Variants in NALF1 observed in about 807,000 individuals in gnomAD.
NALF1 encodes family with sequence similarity 155 member A.
A neutral mutation model predicts 48.4 loss-of-function variants in NALF1; 3 were observed. The observed-to-expected ratio is 0.06, with a 90% CI of 0.03 to 0.16. NALF1 has a LOEUF of 0.16. NALF1 is among the 10% of genes least tolerant of loss of function. NALF1 has a pLI of 1.00. For missense variants in NALF1, 526 were observed against 571.5 expected (o/e 0.92, Z 0.81); for synonymous variants, 262 against 245.7 (o/e 1.07, Z -0.62).
chr13:107,796,224 T>C (rs2138591816), intron 1 of NALF1, among the ~76,000 whole-genome samples: 1 of 152,294 alleles, frequency 6.6e-6, no homozygotes, highest in Non-Finnish European at 1.5e-5. Flanking sequence ...TTATGTAGTT[T>C]GGGTCTTCTA....
At chr13:107,522,109 C>T (rs996420001) in intron 1 of NALF1, among the ~76,000 whole-genome samples, 4 of 152,086 alleles carry the variant, frequency 2.6e-5, no homozygotes, top group East Asian at 1.9e-4. Context: ...AATCCTCTTC[C>T]GCTTGCAACA....
At chr13:107,338,926 G>A (rs1270231548) in intron 1 of NALF1, among the ~76,000 whole-genome samples, 2 of 151,892 alleles carry the variant, frequency 1.3e-5, no homozygotes, top group Non-Finnish European at 2.9e-5. Context: ...AGGTCAGGAG[G>A]TCGAGTCCAT....
chr13:107,174,696 G>T (rs1202152422), intron 2 of NALF1, among the ~76,000 whole-genome samples: 1 of 151,690 alleles, frequency 6.6e-6, no homozygotes, highest in Non-Finnish European at 1.5e-5. Context: ...AGGTTGATCA[G>T]ACTTCCCAGA....
intron 1 of NALF1, chr13:107,835,501 T>A (rs1879863221): frequency 6.6e-6 from 1 of 152,194 alleles, no homozygotes; most frequent in Non-Finnish European, 1.5e-5. Flanking sequence ...GCTGGTCCTG[T>A]CCTGAGAATG....
intron 1 of NALF1, among the ~76,000 whole-genome samples, chr13:107,677,904 A>T (rs1284514682): frequency 6.6e-6 from 1 of 152,224 alleles, no homozygotes; most frequent in Non-Finnish European, 1.5e-5. Flanking sequence ...ATTTTCTAGA[A>T]TATACATACT....
chr13:107,313,718 T>C (rs947940808), intron 1 of NALF1, among the ~76,000 whole-genome samples: 29 of 152,166 alleles, frequency 1.9e-4, no homozygotes, highest in African/African-American at 6.0e-4. Flanking sequence ...AAGTGACTAT[T>C]CCTCTATCCT....
intron 1 of NALF1, among the ~76,000 whole-genome samples, chr13:107,607,652 G>T (rs984901851): frequency 2.6e-5 from 4 of 152,156 alleles, no homozygotes; most frequent in Non-Finnish European, 5.9e-5. Flanking sequence ...ATATCGGGGT[G>T]TCTCCCTCTC....
intron 1 of NALF1, among the ~76,000 whole-genome samples, chr13:107,838,384 T>C (rs1879959727): frequency 6.6e-6 from 1 of 152,146 alleles, no homozygotes; most frequent in Non-Finnish European, 1.5e-5. Flanking sequence ...TAAAATCAAA[T>C]TGAGTGTTTT....
chr13:107,615,101 C>T (rs1356484192), intron 1 of NALF1, among the ~76,000 whole-genome samples: 1 of 152,158 alleles, frequency 6.6e-6, no homozygotes, highest in African/African-American at 2.4e-5. Flanking sequence ...TTGTTTCTGA[C>T]CATAGACATC....
chr13:107,449,072 C>T (rs745733537), intron 1 of NALF1, among the ~76,000 whole-genome samples: 20 of 152,120 alleles, frequency 1.3e-4, no homozygotes, highest in Admixed American at 7.2e-4. Flanking sequence ...GGTGAAACCC[C>T]GTCTCAACTA....
intron 1 of NALF1, among the ~76,000 whole-genome samples, chr13:107,430,762 G>A (rs539461836): frequency 8.5e-5 from 13 of 152,212 alleles, no homozygotes; most frequent in South Asian, 2.1e-4. Flanking sequence ...GTAAACATAC[G>A]TGTACATGTG....
chr13:107,678,039 T>C (rs1390770100), intron 1 of NALF1, among the ~76,000 whole-genome samples: 1 of 152,226 alleles, frequency 6.6e-6, no homozygotes, highest in African/African-American at 2.4e-5. Context: ...GTTAATTTAT[T>C]TATTTTTGGA....
At chr13:107,820,919 A>G (rs1159203154) in intron 1 of NALF1, among the ~76,000 whole-genome samples, 2 of 152,192 alleles carry the variant, frequency 1.3e-5, no homozygotes, top group African/African-American at 4.8e-5. Flanking sequence ...ATCCGGCACT[A>G]CCTGCATTCT....
At chr13:107,756,960 T>C (rs1318971853) in intron 1 of NALF1, among the ~76,000 whole-genome samples, 5 of 152,262 alleles carry the variant, frequency 3.3e-5, no homozygotes, top group African/African-American at 9.6e-5. Context: ...CAAATTAACA[T>C]GTGTACTGAC....
intron 1 of NALF1, among the ~76,000 whole-genome samples, chr13:107,380,056 A>C (rs923934826): frequency 1.3e-5 from 2 of 152,206 alleles, no homozygotes; most frequent in African/African-American, 2.4e-5. Context: ...GTTTTCCTTA[A>C]TGGGCTGATA....
At chr13:107,445,755 G>T (rs1377460580) in intron 1 of NALF1, among the ~76,000 whole-genome samples, 1 of 152,030 alleles carries the variant, frequency 6.6e-6, no homozygotes, top group Non-Finnish European at 1.5e-5. Context: ...ATTTTGATAG[G>T]TACATAGTGA....
intron 1 of NALF1, among the ~76,000 whole-genome samples, chr13:107,666,307 C>T (rs999594877): frequency 6.6e-6 from 1 of 152,082 alleles, no homozygotes; most frequent in Non-Finnish European, 1.5e-5. Context: ...TGGTGGTCCA[C>T]TTTTGCTTTG....
intron 1 of NALF1, among the ~76,000 whole-genome samples, chr13:107,406,758 A>G (rs1221550219): frequency 6.8e-6 from 1 of 147,068 alleles, no homozygotes; most frequent in Non-Finnish European, 1.5e-5. Flanking sequence ...ACTGAAATAG[A>G]AAAAAAAATC....
chr13:107,178,874 G>A (rs962532741), intron 2 of NALF1, among the ~76,000 whole-genome samples: 11 of 152,022 alleles, frequency 7.2e-5, no homozygotes, highest in African/African-American at 2.4e-4. Flanking sequence ...GAACCCAGGA[G>A]GCGGAGCTTG....
Sources: gnomAD v4.1 joint callset for allele counts (sites outside exome capture counted in the v4.1 genomes callset) on GRCh38, gnomAD v4.1.1 for gene constraint, MANE v1.5 for transcripts, NCBI Gene and HGNC (gene_info 2026-07-23, HGNC 2026-07-21) for gene names.